The following GEMIN5 variants were observed in gnomAD, a reference collection of about 807,000 sequenced individuals.
The protein encoded by GEMIN5 is gem-associated protein 5.
A neutral mutation model predicts 176.9 loss-of-function variants in GEMIN5; 124 were observed. The observed-to-expected ratio is 0.70, with a 90% CI of 0.61 to 0.81. The LOEUF (loss-of-function observed/expected upper bound fraction) is 0.81. Ranked by LOEUF, GEMIN5 falls within the 40% of genes least tolerant of loss-of-function variation. The probability of loss-of-function intolerance (pLI) is 0.00; values close to 1 mark genes in which losing one functional copy is unlikely to be tolerated. For synonymous variants in GEMIN5, 673 were observed against 665.2 expected, an observed-to-expected ratio of 1.01 and a Z score of -0.18; for missense variants, 1,843 against 1,814.6, an observed-to-expected ratio of 1.02 and a Z score of -0.28.
At position 154,917,892 on chromosome 5, in the gene GEMIN5, C is replaced by T. The variant is rs146685959; in HGVS notation, c.1673+39G>A. On this transcript the variant is annotated intron_variant, in intron 12 of 27. Transcript: ENST00000285873. ...GTCAGCTTGTGATCAAATATATGTG[C>T]GATTGCAAATTTTTTATCTTAAAGA... 1.5e-3 allele frequency: 1,929 copies of T among 1,294,082 alleles called. 12 individuals carry two copies. The African/African-American group carries it at 0.025, about 17-fold the overall frequency. 80.2% of individuals were successfully genotyped at this position (1,294,082 alleles called of 1,614,324 possible).
At position 154,928,651 on chromosome 5, in the gene GEMIN5, T is replaced by G. The variant is rs1238297634; in HGVS notation, c.790A>C (p.Ile264Leu). 4.3e-6 allele frequency: 7 copies of G among 1,613,778 alleles called. No homozygotes were observed. Among genetic ancestry groups the G allele is most frequent in the Non-Finnish European group, 5.1e-6 (6 of 1,179,876 alleles). Reference sequence around the variant, plus strand: ...CTCTTCAGAAAGGGCAATTTCAAAATCATCACCCCTGCAGATTAAAAAGAA... The same window carrying G: ...CTCTTCAGAAAGGGCAATTTCAAAAGCATCACCCCTGCAGATTAAAAAGAA... ...WSCSRGRGVM[I>L]LKLPFLKRRG... Residue 264 changes from isoleucine (I) to leucine (L), a missense_variant, in exon 6 of 28, where the codon ATT becomes CTT. Physicochemically the swap from Ile to Leu is conservative, Grantham distance 5 (BLOSUM62 2). Transcript: ENST00000285873.
chr5:154,918,671 T>C (rs191334487), intron 11 of GEMIN5, among the ~76,000 whole-genome samples: 162 of 152,346 alleles, frequency 1.1e-3, no homozygotes, highest in African/African-American at 3.6e-3. Flanking sequence ...AATGAGGGAA[T>C]ATAATCAACA....
chr5:154,892,443 T>C lies in GEMIN5; in HGVS notation c.3704A>G (p.Tyr1235Cys), dbSNP rs1386254355. 6.8e-6 allele frequency: 11 copies of C among 1,614,058 alleles called. No homozygotes were observed. Among genetic ancestry groups the C allele is most frequent in the African/African-American group, 6.7e-5 (5 of 74,940 alleles). The change falls in exon 25 of 28, where the codon TAT (tyrosine) becomes TGT (cysteine). Residue 1235 changes from tyrosine (Y) to cysteine (C), a missense_variant. Coordinates refer to ENST00000285873, the MANE Select transcript of GEMIN5 (RefSeq NM_015465.5). Reference protein sequence around the residue: ...QALLRAVVRSYDSGSFTIMQE... With the variant: ...QALLRAVVRSCDSGSFTIMQE... ...CATGATGGTGAAGCTCCCTGAGTCA[T>C]AGCTCCGGACCACCGCCCGAAGGAG...
At chr5:154,904,962 G>A (rs1763540368) in intron 17 of GEMIN5, among the ~76,000 whole-genome samples, 1 of 152,222 alleles carries the variant, frequency 6.6e-6, no homozygotes, top group African/African-American at 2.4e-5. Flanking sequence ...GGAGGCTGAG[G>A]CGGGCGGATC....
chr5:154,921,067 G>A (rs1232887046), intron 10 of GEMIN5, among the ~76,000 whole-genome samples: 1 of 152,182 alleles, frequency 6.6e-6, no homozygotes, highest in Non-Finnish European at 1.5e-5. Flanking sequence ...TCAGGACCCA[G>A]CATGATAACT....
intron 1 of GEMIN5, among the ~76,000 whole-genome samples, chr5:154,937,767 G>T (rs1764300112): frequency 6.6e-6 from 1 of 152,232 alleles, no homozygotes. Context: ...GAAGCTCCAG[G>T]AGGCGGGACC....
chr5:154,931,295 T>C (rs540256893), intron 5 of GEMIN5, among the ~76,000 whole-genome samples, 163 bp downstream of exon 5: 3 of 152,336 alleles, frequency 2.0e-5, no homozygotes, highest in African/African-American at 4.8e-5. Flanking sequence ...GTTGAGAGAA[T>C]AGAGAGTCTA....
chr5:154,934,728 A>G (rs567724325), intron 3 of GEMIN5, among the ~76,000 whole-genome samples: 1 of 152,268 alleles, frequency 6.6e-6, no homozygotes, highest in South Asian at 2.1e-4. Context: ...TTTCTCAAAC[A>G]GTTTGGGTTT....
chr5:154,937,898 G>A, intron 1 of GEMIN5, 70 bp downstream of exon 1: 3 of 1,339,946 alleles, frequency 2.2e-6, no homozygotes, highest in Non-Finnish European at 3.0e-6. Flanking sequence ...ACGGGGTGGA[G>A]TCGTCCACTC....
In GEMIN5 at chr5:154,905,907, T is replaced by A; in HGVS notation, c.2396-431A>T. Reference sequence around the variant, plus strand: ...GGTTTCGCCATGTTGGCCAGGGTGATCTCAAACTCCTGACCTCAGGTGATC... The same window carrying A: ...GGTTTCGCCATGTTGGCCAGGGTGAACTCAAACTCCTGACCTCAGGTGATC... On this transcript the variant is annotated intron_variant, in intron 16 of 27. Transcript: ENST00000285873. Among the ~76,000 whole-genome samples the A allele has an allele frequency of 1.3e-5, 2 of 152,134 alleles. 1 individual carries two copies. Among genetic ancestry groups the A allele is most frequent in the Admixed American group, 1.3e-4 (2 of 15,272 alleles).
In GEMIN5 at chr5:154,894,939, C is replaced by T. The variant is rs375592718; in HGVS notation, c.3597+1153G>A. Among the ~76,000 whole-genome samples the T allele has an allele frequency of 2.4e-3, 356 of 149,162 alleles. 2 individuals carry two copies. Among genetic ancestry groups the T allele is most frequent in the African/African-American group, 8.2e-3 (332 of 40,262 alleles). Reference sequence around the variant, plus strand: ...AAAAAAAGTAAAAATATTAGCTGGGCGTGGTGGCACATGCCTGTAATCCCA... The same window carrying T: ...AAAAAAAGTAAAAATATTAGCTGGGTGTGGTGGCACATGCCTGTAATCCCA... On this transcript the variant is annotated intron_variant, in intron 24 of 27. Coordinates refer to ENST00000285873, the MANE Select transcript of GEMIN5 (RefSeq NM_015465.5).
chr5:154,891,055 C>CTTTTTTTTTTTTTTT (rs548747613), intron 26 of GEMIN5, among the ~76,000 whole-genome samples, 186 bp downstream of exon 26: 2 of 93,938 alleles, frequency 2.1e-5, no homozygotes, highest in Admixed American at 1.5e-4. Flanking sequence ...TGTGCCCGGG[C>CTTTTTTTTTTTTTTT]TTTTTTTTTT....
At chr5:154,935,000 C>A (rs1275745593) in intron 3 of GEMIN5, among the ~76,000 whole-genome samples, 19 of 152,218 alleles carry the variant, frequency 1.2e-4, no homozygotes, top group Admixed American at 1.2e-3. Flanking sequence ...ATATTCCCAG[C>A]TGTTCTTTCT....
intron 5 of GEMIN5, among the ~76,000 whole-genome samples, chr5:154,931,028 C>T (rs1329699243): frequency 6.6e-6 from 1 of 152,124 alleles, no homozygotes; most frequent in East Asian, 1.9e-4. Flanking sequence ...GATTGAGGGG[C>T]TCTATAATTT....
chr5:154,917,113 A>G lies in GEMIN5; in HGVS notation c.1740T>C (p.Leu580=), dbSNP rs1237888699. Residue 580 remains leucine, a synonymous_variant, in exon 13 of 28, where the codon CTT becomes CTC. Transcript: ENST00000285873. ...CATGATGCCAGCTAATGGTATTCAC[A>G]AGCTTGTGATGCTGTTGGATAGTAC... ...LICTIQQHHK[L]VNTISWHHEH... is the part of the protein sequence containing the mutation. The G allele has an allele frequency of 6.2e-7, 1 of 1,606,750 alleles. No homozygotes were observed. The highest frequency in any genetic ancestry group is 8.5e-7 in the Non-Finnish European group (1 of 1,174,580).
intron 13 of GEMIN5, 36 bp downstream of exon 13, chr5:154,916,962 C>T (rs765601573): frequency 6.6e-6 from 8 of 1,209,160 alleles, no homozygotes; most frequent in African/African-American, 4.6e-5. Flanking sequence ...GCTGAACAAA[C>T]GATATCATCC....
chr5:154,910,764 T>C (rs939506666), intron 15 of GEMIN5, among the ~76,000 whole-genome samples: 2 of 152,180 alleles, frequency 1.3e-5, no homozygotes, highest in Non-Finnish European at 2.9e-5. Flanking sequence ...AGTGGCGCAA[T>C]CTCGGCTCAC....
Position 154,917,131 on chromosome 5 carries a change from G to T in GEMIN5, c.1722C>A (p.Ile574=), listed in dbSNP as rs771782136. 15 of 1,592,898 alleles carry T rather than the reference G, an allele frequency of 9.4e-6. No homozygotes were observed. The highest frequency in any genetic ancestry group is 1.3e-5 in the Non-Finnish European group (15 of 1,165,156). The change falls in exon 13 of 28, where the codon ATC becomes ATA. Residue 574 remains isoleucine, a synonymous_variant. Coordinates refer to ENST00000285873, the MANE Select transcript of GEMIN5 (RefSeq NM_015465.5). ...QIPNLKLICT[I]QQHHKLVNTI... is the part of the protein sequence containing the mutation. The stretch of plus-strand genomic sequence containing the variant: ...TATTCACAAGCTTGTGATGCTGTTG[G>T]ATAGTACAGATCAGTTTCAGGTTGG...
At chr5:154,936,708 G>A (rs1764276735) in intron 2 of GEMIN5, among the ~76,000 whole-genome samples, 1 of 152,106 alleles carries the variant, frequency 6.6e-6, no homozygotes, top group Non-Finnish European at 1.5e-5. Context: ...GACCTTGTGG[G>A]CCATACCATG....
Sources: allele counts gnomAD v4.1 joint callset (sites outside exome capture counted in the v4.1 genomes callset), GRCh38; gene constraint gnomAD v4.1.1; transcripts MANE v1.5; gene names NCBI Gene and HGNC (gene_info 2026-07-23, HGNC 2026-07-21).